Variants in GLT8D1 observed in about 807,000 individuals in gnomAD.
GLT8D1 encodes glycosyltransferase 8 domain containing 1, also known as glycosyltransferase 8 domain-containing protein 1.
Under a neutral mutation model 46.2 loss-of-function variants are expected in GLT8D1, and 41 were observed. That is an observed-to-expected ratio of 0.89 (90% CI 0.69 to 1.15). The LOEUF (loss-of-function observed/expected upper bound fraction) is 1.15. Among genes scored for constraint, GLT8D1 ranks in the 50% most tolerant of loss-of-function variants. The pLI is 0.00. For synonymous variants in GLT8D1, 150 were observed against 154.2 expected, an observed-to-expected ratio of 0.97 and a Z score of 0.20; for missense variants, 408 against 449.3, an observed-to-expected ratio of 0.91 and a Z score of 0.83.
intron 7 of GLT8D1, 45 bp from the exon 8 acceptor site, chr3:52,695,632 A>G: frequency 8.8e-7 from 1 of 1,140,800 alleles, no homozygotes; most frequent in Non-Finnish European, 1.3e-6. Context: ...TTCAAACAAA[A>G]TAGATACAAT....
In GLT8D1 at chr3:52,696,543, G is replaced by T; in HGVS notation, c.446C>A (p.Pro149His). The change falls in exon 5 of 10, where the codon CCT becomes CAT. Residue 149 changes from proline (P) to histidine (H), a missense_variant and splice_region_variant. Transcript: ENST00000266014. ...EDPDQGESMKPLTFARFYLPI... is the reference protein window; with the variant it reads ...EDPDQGESMKHLTFARFYLPI... ...CAAAGAAGGATGCATGGAACTCACA[G>T]GTTTCATGGATTCCCCCTGGTCAGG... 6.7e-7 allele frequency: 1 copy of T among 1,490,308 alleles called. No homozygotes were observed. Among genetic ancestry groups the T allele is most frequent in the Non-Finnish European group, 9.4e-7 (1 of 1,067,428 alleles). 92.3% of individuals were successfully genotyped at this position (1,490,308 alleles called of 1,614,324 possible).
At chr3:52,695,119 C>A (rs1264695507) in intron 9 of GLT8D1, 71 bp downstream of exon 9, 15 of 1,417,822 alleles carry the variant, frequency 1.1e-5, no homozygotes, top group Non-Finnish European at 1.5e-5. Context: ...AAAGAATATA[C>A]CCCATCCCTG....
intron 1 of GLT8D1, chr3:52,701,300 C>G (rs938388782): frequency 6.6e-6 from 1 of 150,908 alleles, no homozygotes; most frequent in Admixed American, 6.6e-5. Context: ...TTCACAAAAT[C>G]CAATCGATAT....
chr3:52,700,602 A>G (rs2097338540), intron 1 of GLT8D1, 106 bp from the exon 2 acceptor site: 11 of 552,306 alleles, frequency 2.0e-5, no homozygotes, highest in Admixed American at 6.1e-5. Flanking sequence ...AACAAGAGGC[A>G]TATACAGTAT....
chr3:52,700,238 CATT>C (rs1313577902), intron 3 of GLT8D1, 21 bp downstream of exon 3: 4 of 1,422,384 alleles, frequency 2.8e-6, no homozygotes, highest in Admixed American at 3.6e-5. Context: ...GATTCTAAGG[CATT>C]ATTAATAAGT....
At chr3:52,695,353 C>G in intron 8 of GLT8D1, 51 bp from the exon 9 acceptor site, 1 of 1,546,172 alleles carries the variant, frequency 6.5e-7, no homozygotes, top group Non-Finnish European at 8.9e-7. Flanking sequence ...CTGACTAACT[C>G]CTGTTAGTCA....
rs1406180836 is a variant in GLT8D1, at chr3:52,700,507, AAAAC to A, written c.-36-15_-36-12del. The A allele has an allele frequency of 2.2e-6, 3 of 1,375,648 alleles. No individual in the cohort carries two copies. The highest frequency in any genetic ancestry group is 3.1e-6 in the Non-Finnish European group (3 of 976,952). 85.2% of individuals were successfully genotyped at this position (1,375,648 alleles called of 1,614,324 possible). On this transcript the variant is annotated splice_polypyrimidine_tract_variant and intron_variant, in intron 1 of 9. Coordinates refer to ENST00000266014, the MANE Select transcript of GLT8D1 (RefSeq NM_018446.4). ...TATTAGTTTTTAACCCTACAAAACA[AAAAC>A]AAGCCCCCAAAGTCAGTAAGCACAT...
At position 52,696,485 on chromosome 3, in the gene GLT8D1, A is replaced by G. The variant is rs1423874158; in HGVS notation, c.447+57T>C. ...ACTTGCACTATACCCACAGATACCCAGGTATTCCATTATTTCCTAATACTG... is the reference window on the plus strand; with the variant it reads ...ACTTGCACTATACCCACAGATACCCGGGTATTCCATTATTTCCTAATACTG... On this transcript the variant is annotated intron_variant, in intron 5 of 9. Transcript: ENST00000266014. The G allele has an allele frequency of 4.7e-5, 50 of 1,058,532 alleles. No individual in the cohort carries two copies. In the East Asian group the frequency reaches 1.1e-3, roughly 24 times the overall value. 65.6% of individuals were successfully genotyped at this position (1,058,532 alleles called of 1,614,324 possible). A position where few individuals can be genotyped will look rare whatever the true frequency, so the allele number is the denominator to read the frequency against.
intron 3 of GLT8D1, among the ~76,000 whole-genome samples, chr3:52,698,238 TA>T (rs1173979370): frequency 6.6e-6 from 1 of 152,220 alleles, no homozygotes; most frequent in African/African-American, 2.4e-5. Flanking sequence ...ATCTGAAATA[TA>T]ATCAAAAGAA....
rs765287195 is a variant in GLT8D1, at chr3:52,695,245, G to A, written c.870C>T (p.Ile290=). 25 of 1,613,724 alleles carry A rather than the reference G, an allele frequency of 1.5e-5. No homozygotes were observed. Among genetic ancestry groups the A allele is most frequent in the African/African-American group, 6.7e-5 (5 of 74,858 alleles). The change falls in exon 9 of 10, where the codon ATC becomes ATT. Residue 290 remains isoleucine (I), a synonymous_variant. Transcript: ENST00000266014. ...AGSITTPPLL[I]VFYQQHSTID... ...TGGTAGAGTGCTGTTGATAAAATACGATAAGCAGAGGAGGTGTTGTGATGC... is the reference window on the plus strand; with the variant it reads ...TGGTAGAGTGCTGTTGATAAAATACAATAAGCAGAGGAGGTGTTGTGATGC...
intron 3 of GLT8D1, among the ~76,000 whole-genome samples, chr3:52,699,390 T>C (rs2097337308): frequency 6.6e-6 from 1 of 152,140 alleles, no homozygotes; most frequent in Non-Finnish European, 1.5e-5. Flanking sequence ...GTTCAAGCGA[T>C]TCTCCTGCCT....
chr3:52,695,538 A>G lies in GLT8D1; in HGVS notation c.695T>C (p.Leu232Pro). The change falls in exon 8 of 10, where the codon CTT becomes CCT. Residue 232 changes from leucine (L) to proline (P), a missense_variant. Leu to Pro is a moderately conservative substitution (Grantham distance 98, BLOSUM62 -3). Transcript: ENST00000266014. Reference sequence around the variant, plus strand: ...TGAGCAAGTGCTGGCTTTCATGGAAAGCTTACGAATTCTTTCCTTTTTATA... The same window carrying G: ...TGAGCAAGTGCTGGCTTTCATGGAAGGCTTACGAATTCTTTCCTTTTTATA... ...LDYKKERIRKLSMKASTCSFN... is the reference protein window; with the variant it reads ...LDYKKERIRKPSMKASTCSFN... The G allele has an allele frequency of 6.2e-7, 1 of 1,611,516 alleles. No homozygotes were observed. The highest frequency in any genetic ancestry group is 8.5e-7 in the Non-Finnish European group (1 of 1,177,630).
chr3:52,700,110 C>T, intron 3 of GLT8D1, 152 bp downstream of exon 3: 1 of 578,450 alleles, frequency 1.7e-6, no homozygotes, highest in Non-Finnish European at 3.1e-6. Context: ...CTCCTAAGGC[C>T]TCTGATTTGG....
intron 5 of GLT8D1, 109 bp downstream of exon 5, chr3:52,696,433 C>A: frequency 9.9e-7 from 1 of 1,010,370 alleles, no homozygotes. Context: ...ACTCTTAGAA[C>A]CACCCAGGCT....
chr3:52,697,802 G>A lies in GLT8D1; in HGVS notation c.248C>T (p.Ala83Val). 3 of 1,613,812 alleles carry A rather than the reference G, an allele frequency of 1.9e-6. No homozygotes were observed. The highest frequency in any genetic ancestry group is 2.5e-6 in the Non-Finnish European group (3 of 1,179,700). The change falls in exon 4 of 10, where the codon GCT (alanine) becomes GTT (valine). Residue 83 changes from alanine to valine, a missense_variant. Transcript: ENST00000266014. ...AGTGTTGTGCTGAATGCTGTTTATA[G>A]CTGCAATGGCCCCCCCAAGCCTGTC... The part of the protein sequence containing the change: ...SEDRLGGAIA[A>V]INSIQHNTRS...
Position 52,700,307 on chromosome 3 carries a change from G to A in GLT8D1, c.70C>T (p.His24Tyr), listed in dbSNP as rs930609560. The stretch of plus-strand genomic sequence containing the variant: ...AAACTGCTCAAGCTGAGGAAGTTAT[G>A]GTGCAAAACCAGTAAGAAGAGAGCA... The part of the protein sequence containing the change: ...AVALFLLVLH[H>Y]NFLSLSSLLR... Residue 24 changes from histidine to tyrosine, a missense_variant, in exon 3 of 10, where the codon CAT becomes TAT. Coordinates refer to ENST00000266014, the MANE Select transcript of GLT8D1 (RefSeq NM_018446.4). The A allele has an allele frequency of 4.3e-6, 7 of 1,613,670 alleles. No homozygotes were observed. The highest frequency in any genetic ancestry group is 5.9e-6 in the Non-Finnish European group (7 of 1,179,664).
chr3:52,699,343 G>A (rs2097337266), intron 3 of GLT8D1, among the ~76,000 whole-genome samples: 1 of 151,882 alleles, frequency 6.6e-6, no homozygotes. Flanking sequence ...GGAGTGCAGT[G>A]GCGTGATCTT....
At position 52,696,015 on chromosome 3, in the gene GLT8D1, T is replaced by C; in HGVS notation, c.558A>G (p.Thr186=). ...CAGCTGCATGTCCTGGCTTCAGTGCTGTATTGTAAAGGGCAAGAATATCAC... is the reference window on the plus strand; with the variant it reads ...CAGCTGCATGTCCTGGCTTCAGTGCCGTATTGTAAAGGGCAAGAATATCAC... The part of the protein sequence containing the change: ...VQGDILALYN[T]ALKPGHAAAF... The change falls in exon 7 of 10, where the codon ACA becomes ACG. Residue 186 remains threonine (T), a synonymous_variant. Transcript: ENST00000266014. The C allele has an allele frequency of 6.2e-7, 1 of 1,608,796 alleles. No homozygotes were observed. Among genetic ancestry groups the C allele is most frequent in the Non-Finnish European group, 8.5e-7 (1 of 1,175,084 alleles).
At chr3:52,703,948 T>C (rs1176804227) in intron 1 of GLT8D1, 3 of 152,182 alleles carry the variant, frequency 2.0e-5, no homozygotes, top group Non-Finnish European at 4.4e-5. Context: ...TTAACTACAT[T>C]TTCGTAAGAG....
Sources: allele counts gnomAD v4.1 joint callset (sites outside exome capture counted in the v4.1 genomes callset), GRCh38; gene constraint gnomAD v4.1.1; transcripts MANE v1.5; gene names NCBI Gene and HGNC (gene_info 2026-07-23, HGNC 2026-07-21).